ATP6V1B1: variants seen among roughly 807,000 people sequenced by gnomAD.
ATP6V1B1 encodes the protein V-type proton ATPase subunit B, kidney isoform.
Under a neutral mutation model 62.1 loss-of-function variants are expected in ATP6V1B1, and 41 were observed. The observed-to-expected ratio is 0.66, with a 90% CI of 0.51 to 0.86. ATP6V1B1 has a LOEUF of 0.86. Ranked by LOEUF, ATP6V1B1 falls within the 40% of genes least tolerant of loss-of-function variation. ATP6V1B1 has a pLI of 0.00. For missense variants in ATP6V1B1, 651 were observed against 697.5 expected (o/e 0.93, Z 0.75); for synonymous variants, 253 against 273.4 (o/e 0.93, Z 0.74).
chr2:70,943,369 C>T lies in ATP6V1B1; in HGVS notation c.119-289C>T. ...GGGTTGAAGCCAGAGGGGAAGCAGCCTCAGGGATGAGAGGCCTCTGTGTGG... is the reference window on the plus strand; with the variant it reads ...GGGTTGAAGCCAGAGGGGAAGCAGCTTCAGGGATGAGAGGCCTCTGTGTGG... On this transcript the variant is annotated intron_variant, in intron 1 of 13. Transcript: ENST00000234396. The T allele has an allele frequency of 6.9e-6, 4 of 582,070 alleles. No individual in the cohort carries two copies. The South Asian group carries it at 7.6e-5, about 11-fold the overall frequency. The allele number at this position is 582,070 out of a possible 1,614,324, so 36.1% of individuals were successfully genotyped here.
chr2:70,960,420 G>A (rs1413275059), intron 6 of ATP6V1B1, among the ~76,000 whole-genome samples: 2 of 152,122 alleles, frequency 1.3e-5, no homozygotes, highest in African/African-American at 4.8e-5. Flanking sequence ...GTGAACAGCC[G>A]CTTCCTCTCA....
intron 2 of ATP6V1B1, among the ~76,000 whole-genome samples, chr2:70,945,701 G>GAGAGATATAT (rs1553417203): frequency 1.3e-4 from 11 of 83,022 alleles, no homozygotes; most frequent in African/African-American, 5.3e-4. Context: ...TATTTGAAGA[G>GAGAGATATAT]ATATATATAT....
chr2:70,963,187 C>A lies in ATP6V1B1; in HGVS notation c.935C>A (p.Pro312His), dbSNP rs1680632540. 2 of 1,614,156 alleles carry A rather than the reference C, an allele frequency of 1.2e-6. No homozygotes were observed. Among genetic ancestry groups the A allele is most frequent in the Non-Finnish European group, 1.7e-6 (2 of 1,180,038 alleles). ...REVSAAREEV[P>H]GRRGFPGYMY... is the part of the protein sequence containing the mutation. ...GTCTCTGCTGCTAGAGAGGAGGTGC[C>A]TGGGCGCCGAGGGTTTCCTGGATAT... is the stretch of plus-strand genomic sequence containing the variant. Residue 312 changes from proline (P) to histidine (H), a missense_variant, in exon 10 of 14, where the codon CCT (proline) becomes CAT (histidine). By Grantham distance (77) the Pro-to-His change is moderately conservative. Coordinates refer to ENST00000234396, the MANE Select transcript of ATP6V1B1 (RefSeq NM_001692.4). This position sits in a 1 kb window ranked among gnomAD's most constrained non-coding sequence, Gnocchi z 4.3.
chr2:70,952,340 G>T (rs1680339999), intron 2 of ATP6V1B1, among the ~76,000 whole-genome samples: 2 of 152,018 alleles, frequency 1.3e-5, no homozygotes, highest in Non-Finnish European at 2.9e-5. Flanking sequence ...GCGCACACCT[G>T]TAATCCCAGC....
At position 70,956,154 on chromosome 2, in the gene ATP6V1B1, A is replaced by G. The variant is rs11679521; in HGVS notation, c.175-1892A>G. 7.9e-3 allele frequency: 1,811 copies of G among 230,380 alleles called. 12 individuals are homozygous for G. The highest frequency in any genetic ancestry group is 0.011 in the South Asian group (142 of 12,678). 14.3% of individuals were successfully genotyped at this position (230,380 alleles called of 1,614,324 possible). Reference sequence around the variant, plus strand: ...CCTGTTCTCTTTTTACAATACATTCATGACCATTGGATGATATCAATTTGA... The same window carrying G: ...CCTGTTCTCTTTTTACAATACATTCGTGACCATTGGATGATATCAATTTGA... On this transcript the variant is annotated intron_variant, in intron 2 of 13. Coordinates refer to ENST00000234396, the MANE Select transcript of ATP6V1B1 (RefSeq NM_001692.4).
Position 70,965,145 on chromosome 2 carries a change from C to A in ATP6V1B1, c.*24C>A. ...AGCCCCGCGCGCCGTGGCACCCCAA[C>A]ACCGGCAGGGAACCTACCCTCGGCT... On this transcript the variant is annotated 3_prime_UTR_variant, in exon 14 of 14. Coordinates refer to ENST00000234396, the MANE Select transcript of ATP6V1B1 (RefSeq NM_001692.4). The A allele has an allele frequency of 6.2e-7, 1 of 1,604,376 alleles. No homozygotes were observed.
At chr2:70,962,955 C>A in intron 9 of ATP6V1B1, 55 bp downstream of exon 9, 1 of 1,611,588 alleles carries the variant, frequency 6.2e-7, no homozygotes, top group South Asian at 1.1e-5. Context: ...CTAAGCCTGA[C>A]ACCCCAGACG....
In ATP6V1B1 at chr2:70,943,712, A is replaced by G; in HGVS notation, c.173A>G (p.Lys58Arg). The G allele has an allele frequency of 6.2e-7, 1 of 1,613,688 alleles. No individual in the cohort carries two copies. Among genetic ancestry groups the G allele is most frequent in the Non-Finnish European group, 8.5e-7 (1 of 1,179,954 alleles). The change falls in exon 2 of 14, where the codon AAG (lysine) becomes AGG (arginine). Residue 58 changes from lysine to arginine, a missense_variant and splice_region_variant. Transcript: ENST00000234396. ...NGPLVVLDRVKFAQYAEIVHF... is the reference protein window; with the variant it reads ...NGPLVVLDRVRFAQYAEIVHF... ...CCCCTGGTGGTGCTGGACCGGGTCAAGGTAAGACTCTTCTGCTGCCTCCCT... is the reference window on the plus strand; with the variant it reads ...CCCCTGGTGGTGCTGGACCGGGTCAGGGTAAGACTCTTCTGCTGCCTCCCT...
intron 6 of ATP6V1B1, 150 bp from the exon 7 acceptor site, chr2:70,960,771 C>G: frequency 3.8e-6 from 1 of 265,372 alleles, no homozygotes; most frequent in Admixed American, 4.7e-5. Context: ...ACTCCCACCC[C>G]CCACCCCAAG....
chr2:70,937,484 C>A (rs7587977), intron 1 of ATP6V1B1, among the ~76,000 whole-genome samples: 1 of 151,698 alleles, frequency 6.6e-6, no homozygotes, highest in African/African-American at 2.4e-5. Context: ...CCATGGAGCT[C>A]GGGGGAGGAT....
At chr2:70,944,791 C>A (rs1312153912) in intron 2 of ATP6V1B1, among the ~76,000 whole-genome samples, 1 of 151,922 alleles carries the variant, frequency 6.6e-6, no homozygotes, top group Non-Finnish European at 1.5e-5. Flanking sequence ...GCCTCAGCCT[C>A]CCGAGTAGCT....
At chr2:70,956,351 C>G (rs1324904339) in intron 2 of ATP6V1B1, 1 of 162,320 alleles carries the variant, frequency 6.2e-6, no homozygotes, top group African/African-American at 2.4e-5. Context: ...CAGGGCTGCC[C>G]CCTGACCCGG....
At chr2:70,943,532 A>G in intron 1 of ATP6V1B1, 126 bp from the exon 2 acceptor site, 1 of 1,000,956 alleles carries the variant, frequency 1.0e-6, no homozygotes, top group Non-Finnish European at 1.5e-6. Context: ...ACAGCTAATG[A>G]CCCTGACGGC....
chr2:70,963,920 A>C lies in ATP6V1B1; in HGVS notation c.1143+266A>C. 2 of 550,786 alleles carry C rather than the reference A, an allele frequency of 3.6e-6. No individual in the cohort carries two copies. Among genetic ancestry groups the C allele is most frequent in the East Asian group, 3.2e-5 (1 of 31,240 alleles). The allele number at this position is 550,786 out of a possible 1,614,324, so 34.1% of individuals were successfully genotyped here. A position where few individuals can be genotyped will look rare whatever the true frequency, so the allele number is the denominator to read the frequency against. On this transcript the variant is annotated intron_variant, in intron 11 of 13. Transcript: ENST00000234396. The surrounding 1 kb of genome is among the most constrained non-coding windows in gnomAD (Gnocchi z 4.3). ...CCATAAAATGGGAATAATCAAATAT[A>C]TCACCCAGACGCATTGTGGAGGATA...
intron 2 of ATP6V1B1, among the ~76,000 whole-genome samples, chr2:70,945,233 C>T (rs782780993): frequency 1.2e-4 from 19 of 152,238 alleles, no homozygotes; most frequent in South Asian, 4.1e-4. Flanking sequence ...ATACCTGCAA[C>T]GACTGTAATG....
chr2:70,951,089 C>T (rs1288054134), intron 2 of ATP6V1B1, among the ~76,000 whole-genome samples: 1 of 151,518 alleles, frequency 6.6e-6, no homozygotes, highest in African/African-American at 2.4e-5. Context: ...ATTACAGGCG[C>T]CCTCTACCAC....
At chr2:70,958,519 T>A in intron 4 of ATP6V1B1, 93 bp downstream of exon 4, 1 of 1,197,656 alleles carries the variant, frequency 8.3e-7, no homozygotes, top group Non-Finnish European at 1.2e-6. Flanking sequence ...CACTGTCACT[T>A]CCTGTTTACT....
intron 2 of ATP6V1B1, among the ~76,000 whole-genome samples, chr2:70,953,691 T>A (rs1464281231): frequency 6.6e-6 from 1 of 152,234 alleles, no homozygotes; most frequent in Non-Finnish European, 1.5e-5. Context: ...TTTATTTTGG[T>A]ATCAAGGCTA....
Position 70,964,762 on chromosome 2 carries a change from C to A in ATP6V1B1, c.1275C>A (p.Asp425Glu), listed in dbSNP as rs150773440. 26 of 1,613,882 alleles carry A rather than the reference C, an allele frequency of 1.6e-5. No homozygotes were observed. Among genetic ancestry groups the A allele is most frequent in the Non-Finnish European group, 2.5e-6 (3 of 1,180,036 alleles). The change falls in exon 13 of 14, where the codon GAC becomes GAA. Residue 425 changes from aspartate to glutamate, a missense_variant. Asp to Glu is a conservative substitution (Grantham distance 45). Transcript: ENST00000234396. ...ACGCCTGCTATGCCATCGGGAAGGA[C>A]GTGCAGGCCATGAAGGCAGTAGTTG... is the stretch of plus-strand genomic sequence containing the variant. ...QLYACYAIGK[D>E]VQAMKAVVGE...
Sources: allele counts gnomAD v4.1 joint callset (sites outside exome capture counted in the v4.1 genomes callset), GRCh38; gene constraint gnomAD v4.1.1; non-coding constraint Gnocchi (gnomAD v3.1); transcripts MANE v1.5; gene names NCBI Gene and HGNC (gene_info 2026-07-23, HGNC 2026-07-21).